Variants in TANC2 observed in about 807,000 individuals in gnomAD.
The protein encoded by TANC2 is protein TANC2.
TANC2 carries 26 observed loss-of-function variants against 210.5 expected under a neutral mutation model. The observed-to-expected ratio is 0.12, with a 90% CI of 0.09 to 0.17. TANC2 has a LOEUF of 0.17. TANC2 is among the 10% of genes least tolerant of loss of function. The probability of loss-of-function intolerance (pLI) is 1.00; values close to 1 mark genes in which losing one functional copy is unlikely to be tolerated. For missense variants in TANC2, 2,129 were observed against 2,608.9 expected (o/e 0.82, Z 4.01); for synonymous variants, 931 against 967.1 (o/e 0.96, Z 0.69).
chr17:63,194,054 C>G, exon 6 of TANC2: 1 of 1,613,232 alleles, frequency 6.2e-7, no homozygotes, highest in Non-Finnish European at 8.5e-7. Flanking sequence ...ACACTCATGA[C>G]TCGTCTGGGT....
At chr17:63,082,154 G>A (rs1347276624) in intron 3 of TANC2, among the ~76,000 whole-genome samples, 1 of 152,214 alleles carries the variant, frequency 6.6e-6, no homozygotes, top group East Asian at 1.9e-4. Context: ...CTGGGCGACA[G>A]AGCGAGACTC....
rs10616371 is a variant in TANC2, at chr17:63,223,586, G to GTA, written c.770-14212_770-14211dup. ...CACTCTTAATTATTTTATATATAGTGTATATATATATATATATTTAAGGGA... is the reference window on the plus strand; with the variant it reads ...CACTCTTAATTATTTTATATATAGTGTATATATATATATATATATTTAAGGGA... On this transcript the variant is annotated intron_variant, in intron 7 of 27. Transcript: ENST00000689528. 1.5e-3 allele frequency among the ~76,000 whole-genome samples: 220 copies of GTA among 149,408 alleles called. 1 individual carries two copies. The highest frequency in any genetic ancestry group is 4.7e-3 in the East Asian group (24 of 5,068).
intron 4 of TANC2, among the ~76,000 whole-genome samples, chr17:63,139,176 A>C (rs1025085345): frequency 2.6e-5 from 4 of 152,276 alleles, no homozygotes; most frequent in Admixed American, 1.3e-4. Context: ...GTTATCTCCC[A>C]ATTCTCTTAT....
chr17:63,158,610 A>G (rs1038665841), intron 5 of TANC2, among the ~76,000 whole-genome samples: 1 of 152,220 alleles, frequency 6.6e-6, no homozygotes, highest in African/African-American at 2.4e-5. Flanking sequence ...GAATTTATAA[A>G]TTATCACATT....
chr17:63,339,331 G>A (rs1157116800), intron 11 of TANC2, among the ~76,000 whole-genome samples: 1 of 152,100 alleles, frequency 6.6e-6, no homozygotes, highest in African/African-American at 2.4e-5. Flanking sequence ...TTGCCGTGGA[G>A]GCAAAGAGAA....
chr17:62,984,296 T>A (rs578114527), intron 1 of TANC2, among the ~76,000 whole-genome samples: 2 of 152,250 alleles, frequency 1.3e-5, no homozygotes, highest in East Asian at 3.9e-4. Context: ...TTCTTTGTAT[T>A]TCCGTGGTAT....
intron 21 of TANC2, 117 bp from the exon 22 acceptor site, chr17:63,411,388 TAAAATG>T (rs1240629351): frequency 1.0e-5 from 10 of 956,692 alleles, no homozygotes; most frequent in Non-Finnish European, 1.5e-5. Flanking sequence ...GCATCAGTCT[TAAAATG>T]GAAATAGTCC....
At chr17:63,101,982 G>A (rs899652127) in intron 4 of TANC2, among the ~76,000 whole-genome samples, 1 of 152,144 alleles carries the variant, frequency 6.6e-6, no homozygotes, top group Non-Finnish European at 1.5e-5. Context: ...CCTGAGCAGA[G>A]TAAGTCTGAA....
chr17:62,996,846 T>C (rs1307113302), intron 1 of TANC2, among the ~76,000 whole-genome samples: 2 of 150,468 alleles, frequency 1.3e-5, no homozygotes, highest in East Asian at 3.9e-4. Context: ...GGAGTTCCGC[T>C]CTTGTTGCCC....
At chr17:63,066,745 CT>C (rs919970215) in intron 2 of TANC2, among the ~76,000 whole-genome samples, 108 of 144,912 alleles carry the variant, frequency 7.5e-4, no homozygotes, top group Middle Eastern at 3.5e-3. Context: ...TTAATGAAAG[CT>C]TTTTTTTTTT....
intron 5 of TANC2, among the ~76,000 whole-genome samples, chr17:63,192,240 G>A (rs1376049337): frequency 6.6e-6 from 1 of 152,188 alleles, no homozygotes; most frequent in African/African-American, 2.4e-5. Context: ...AGAAAAAGTA[G>A]ATTTAGCAAG....
chr17:63,203,983 C>T (rs1414201287), intron 7 of TANC2, among the ~76,000 whole-genome samples: 1 of 152,062 alleles, frequency 6.6e-6, no homozygotes, highest in Non-Finnish European at 1.5e-5. Context: ...TGGCTTCCTT[C>T]TGTAGATATA....
chr17:63,144,224 T>G (rs2039388550), intron 4 of TANC2, among the ~76,000 whole-genome samples: 1 of 152,194 alleles, frequency 6.6e-6, no homozygotes, highest in African/African-American at 2.4e-5. Flanking sequence ...TATGTAATGT[T>G]GCCTTTTTGC....
chr17:62,980,643 C>CT (rs2032254055), intron 1 of TANC2, among the ~76,000 whole-genome samples: 1 of 152,164 alleles, frequency 6.6e-6, no homozygotes, highest in Non-Finnish European at 1.5e-5. Flanking sequence ...TGTGCAGATG[C>CT]TTTTAAACTC....
At chr17:63,196,092 C>T (rs139317262) in intron 6 of TANC2, among the ~76,000 whole-genome samples, 1 of 152,272 alleles carries the variant, frequency 6.6e-6, no homozygotes, top group African/African-American at 2.4e-5. Flanking sequence ...ATCCATATAC[C>T]CCTATGCTTC....
rs1314877716 is a variant in TANC2 at position 63,151,225 on chromosome 17, GCTCT to G, written c.323-40_323-37del. ...CTTCCTTTCTCTTTCTTTCTCTCTT[GCTCT>G]CTCTGTCTCTTGCTTGCTCTCTCTC... is the stretch of plus-strand genomic sequence containing the variant. On this transcript the variant is annotated intron_variant, in intron 4 of 27. Transcript: ENST00000689528. The G allele has an allele frequency of 5.8e-6, 5 of 861,440 alleles. No homozygotes were observed. In the African/African-American group the frequency reaches 9.3e-5, roughly 16 times the overall value. The allele number at this position is 861,440 out of a possible 1,614,324, so 53.4% of individuals were successfully genotyped here.
chr17:63,329,470 A>G, intron 11 of TANC2, among the ~76,000 whole-genome samples: 1 of 152,180 alleles, frequency 6.6e-6, no homozygotes, highest in South Asian at 2.1e-4. Context: ...AAAACATGAC[A>G]ATTTAAAAAC....
At chr17:63,057,474 T>C (rs975142470) in intron 2 of TANC2, among the ~76,000 whole-genome samples, 2 of 152,146 alleles carry the variant, frequency 1.3e-5, no homozygotes, top group African/African-American at 4.8e-5. Context: ...GCAGGTTGAT[T>C]TATAGGTGAA....
exon 28 of TANC2, chr17:63,423,709 G>T (rs1057173183): frequency 1.3e-5 from 2 of 152,130 alleles, no homozygotes; most frequent in East Asian, 1.9e-4. Flanking sequence ...TAGATTCTGC[G>T]AAATAGACGG....
Sources: allele counts gnomAD v4.1 joint callset (sites outside exome capture counted in the v4.1 genomes callset), GRCh38; gene constraint gnomAD v4.1.1; transcripts MANE v1.5; gene names NCBI Gene and HGNC (gene_info 2026-07-23, HGNC 2026-07-21).